FOXN3: variants seen among roughly 807,000 people sequenced by gnomAD.
The protein encoded by FOXN3 is forkhead box protein N3.
Under a neutral mutation model 38.4 loss-of-function variants are expected in FOXN3, and 7 were observed. That is an observed-to-expected ratio of 0.18 (90% CI 0.10 to 0.34). FOXN3 has a LOEUF of 0.34. FOXN3 is among the 10% of genes least tolerant of loss of function. FOXN3 has a pLI of 1.00. For synonymous variants in FOXN3, 230 were observed against 242.2 expected, an observed-to-expected ratio of 0.95 and a Z score of 0.47; for missense variants, 456 against 613.4, an observed-to-expected ratio of 0.74 and a Z score of 2.71.
At chr14:89,231,503 C>A (rs1338568173) in intron 4 of FOXN3, among the ~76,000 whole-genome samples, 1 of 152,060 alleles carries the variant, frequency 6.6e-6, no homozygotes, top group East Asian at 1.9e-4. Flanking sequence ...ATGCAGGGGT[C>A]TCGGTCCACT....
chr14:89,172,320 T>A (rs1044168070), intron 5 of FOXN3, among the ~76,000 whole-genome samples: 4 of 152,134 alleles, frequency 2.6e-5, no homozygotes, highest in Admixed American at 2.6e-4. Flanking sequence ...TCCCGGGCTT[T>A]AAGCAACCCT....
At chr14:89,219,899 G>C (rs1046793982) in intron 4 of FOXN3, among the ~76,000 whole-genome samples, 3 of 152,172 alleles carry the variant, frequency 2.0e-5, no homozygotes, top group Non-Finnish European at 4.4e-5. Context: ...CATTGGGCTA[G>C]GTTTGCCAGA....
chr14:89,182,942 T>C (rs1887710904), intron 4 of FOXN3, among the ~76,000 whole-genome samples: 1 of 152,172 alleles, frequency 6.6e-6, no homozygotes, highest in African/African-American at 2.4e-5. Flanking sequence ...TTACACCTCA[T>C]ACCACATATA....
intron 1 of FOXN3, among the ~76,000 whole-genome samples, chr14:89,542,948 A>C (rs1894819933): frequency 2.0e-5 from 3 of 152,224 alleles, no homozygotes; most frequent in Admixed American, 2.0e-4. Context: ...TTAACAGCAG[A>C]AGCAAAACAA....
rs1282588456 is a variant in FOXN3 at position 89,190,570 on chromosome 14, GATGAGCT to G, written c.746-9771_746-9765del. The G allele has an allele frequency of 1.4e-5, 10 of 704,094 alleles. No homozygotes were observed. In the Admixed American group the frequency reaches 2.8e-4, roughly 20 times the overall value. The allele number at this position is 704,094 out of a possible 1,614,324, so 43.6% of individuals were successfully genotyped here. A position where few individuals can be genotyped will look rare whatever the true frequency, so the allele number is the denominator to read the frequency against. ...AGAAAAAAAAAATATCCAGCAACTG[GATGAGCT>G]ATCCCAAAGGCGACTTTCTTCCCAG... On this transcript the variant is annotated intron_variant, in intron 4 of 5. Coordinates refer to ENST00000557258, the MANE Select transcript of FOXN3 (RefSeq NM_005197.4).
At chr14:89,179,253 T>A (rs1887602295) in intron 5 of FOXN3, among the ~76,000 whole-genome samples, 1 of 152,198 alleles carries the variant, frequency 6.6e-6, no homozygotes, top group African/African-American at 2.4e-5. Context: ...GCTAACAACT[T>A]CCCATCTTAT....
chr14:89,184,853 T>C (rs1356280450), intron 4 of FOXN3, among the ~76,000 whole-genome samples: 1 of 152,230 alleles, frequency 6.6e-6, no homozygotes, highest in African/African-American at 2.4e-5. Flanking sequence ...CAGCATCCTC[T>C]TACTAATGAT....
intron 1 of FOXN3, among the ~76,000 whole-genome samples, chr14:89,581,664 G>A (rs1238881693): frequency 1.3e-5 from 2 of 152,216 alleles, no homozygotes; most frequent in Admixed American, 1.3e-4. Context: ...TTGATGTTAA[G>A]TCCTTCCAGC....
intron 3 of FOXN3, among the ~76,000 whole-genome samples, chr14:89,345,091 C>T (rs1888724801): frequency 6.6e-6 from 1 of 152,090 alleles, no homozygotes; most frequent in African/African-American, 2.4e-5. Flanking sequence ...CGAGCTCAGC[C>T]ACGGGTACTC....
At chr14:89,333,978 A>ATC (rs1888349207) in intron 3 of FOXN3, among the ~76,000 whole-genome samples, 2 of 3,866 alleles carry the variant, frequency 5.2e-4, no homozygotes, top group African/African-American at 9.9e-4. Flanking sequence ...ATATATATAT[A>ATC]TATATATATA....
At chr14:89,433,621 G>A (rs1045662589) in intron 1 of FOXN3, among the ~76,000 whole-genome samples, 6 of 152,060 alleles carry the variant, frequency 3.9e-5, no homozygotes, top group Non-Finnish European at 7.3e-5. Context: ...TGGCCAACAC[G>A]ATGAAACTCT....
intron 3 of FOXN3, among the ~76,000 whole-genome samples, chr14:89,295,753 A>G (rs1887016021): frequency 2.1e-5 from 3 of 141,658 alleles, no homozygotes; most frequent in African/African-American, 7.7e-5. Flanking sequence ...ATGCCTGGCT[A>G]ATTTTTGCAT....
intron 2 of FOXN3, among the ~76,000 whole-genome samples, chr14:89,407,982 G>A (rs886233127): frequency 5.3e-5 from 8 of 152,202 alleles, no homozygotes; most frequent in Non-Finnish European, 1.2e-4. Context: ...GTGTATGTTT[G>A]AAAATTTCCG....
At chr14:89,188,119 G>A (rs941251673) in intron 4 of FOXN3, among the ~76,000 whole-genome samples, 1 of 152,052 alleles carries the variant, frequency 6.6e-6, no homozygotes, top group Non-Finnish European at 1.5e-5. Context: ...TCACACAGCG[G>A]TAATAGCCTT....
intron 1 of FOXN3, among the ~76,000 whole-genome samples, chr14:89,591,928 G>A (rs951147684): frequency 1.3e-5 from 2 of 152,052 alleles, no homozygotes; most frequent in African/African-American, 4.8e-5. Context: ...AACATTAAAA[G>A]TGAAATGAAA....
Position 89,344,669 on chromosome 14 carries a change from T to C in FOXN3, c.680+6003A>G, listed in dbSNP as rs549217702. Among the ~76,000 whole-genome samples, 3 of 152,308 alleles carry C rather than the reference T, an allele frequency of 2.0e-5. No individual in the cohort carries two copies. The East Asian group carries it at 5.8e-4, about 29-fold the overall frequency. ...TGTTACGAAGTTTAAATACCCCCAC[T>C]ATAAGTACCAAAATCACAAAGTCAA... On this transcript the variant is annotated intron_variant, in intron 3 of 5. Coordinates refer to ENST00000557258, the MANE Select transcript of FOXN3 (RefSeq NM_005197.4).
intron 1 of FOXN3, among the ~76,000 whole-genome samples, chr14:89,568,531 G>C (rs1173795314): frequency 4.6e-5 from 7 of 152,222 alleles, no homozygotes; most frequent in Admixed American, 4.6e-4. Context: ...CATGTGCACA[G>C]TGAACTCCTT....
At chr14:89,251,666 C>T (rs1343406167) in intron 4 of FOXN3, among the ~76,000 whole-genome samples, 5 of 152,066 alleles carry the variant, frequency 3.3e-5, no homozygotes, top group East Asian at 1.9e-4. Flanking sequence ...TGTTTTCCTT[C>T]GATATAAAGA....
intron 4 of FOXN3, among the ~76,000 whole-genome samples, chr14:89,235,056 T>C (rs1884940796): frequency 6.6e-6 from 1 of 152,196 alleles, no homozygotes. Context: ...TATGGTCACT[T>C]CTGCCCACTC....
Sources: allele counts gnomAD v4.1 joint callset (sites outside exome capture counted in the v4.1 genomes callset), GRCh38; gene constraint gnomAD v4.1.1; transcripts MANE v1.5; gene names NCBI Gene and HGNC (gene_info 2026-07-23, HGNC 2026-07-21).